PDE10A: variants seen among roughly 807,000 people sequenced by gnomAD.
PDE10A encodes phosphodiesterase 10A.
PDE10A carries 39 observed loss-of-function variants against 97.7 expected under a neutral mutation model. The ratio of observed to expected loss-of-function variants is 0.40; its 90% CI spans 0.31 to 0.52. The LOEUF is 0.52. PDE10A is among the 20% of genes least tolerant of loss of function. PDE10A has a pLI of 0.56. For synonymous variants in PDE10A, 371 were observed against 376.8 expected (o/e 0.98, Z 0.18); for missense variants, 731 against 1,047.8 (o/e 0.70, Z 4.17).
intron 1 of PDE10A, among the ~76,000 whole-genome samples, chr6:165,981,176 T>A (rs1012762050): frequency 6.6e-6 from 1 of 152,144 alleles, no homozygotes; most frequent in Non-Finnish European, 1.5e-5. Context: ...GTACTCTAGA[T>A]CAAAAGGTGC....
At chr6:165,870,845 C>T (rs1489587056) in intron 1 of PDE10A, among the ~76,000 whole-genome samples, 1 of 152,124 alleles carries the variant, frequency 6.6e-6, no homozygotes, top group Non-Finnish European at 1.5e-5. Flanking sequence ...GTGAAACAAG[C>T]CAGGCACAGA....
intron 1 of PDE10A, among the ~76,000 whole-genome samples, chr6:165,544,900 C>T (rs1466419133): frequency 6.6e-6 from 1 of 151,922 alleles, no homozygotes; most frequent in Non-Finnish European, 1.5e-5. Context: ...TGGCTATATT[C>T]ACCCTGCAAA....
Position 165,412,254 on chromosome 6 carries a change from CAG to C in PDE10A, c.2076+1245_2076+1246del, listed in dbSNP as rs1379919134. On this transcript the variant is annotated intron_variant, in intron 13 of 21. Transcript: ENST00000539869. ...TTTTGTTGGATAACAAATACATATT[CAG>C]AGAGTAAACATAATGCCAAATTTTC... Among the ~76,000 whole-genome samples, 5 of 152,132 alleles carry C rather than the reference CAG, an allele frequency of 3.3e-5. No individual in the cohort carries two copies. In the South Asian group the frequency reaches 8.3e-4, roughly 25 times the overall value.
chr6:165,608,896 T>C (rs908636092), intron 1 of PDE10A, among the ~76,000 whole-genome samples: 1 of 152,254 alleles, frequency 6.6e-6, no homozygotes, highest in Non-Finnish European at 1.5e-5. Context: ...GACTATTGGC[T>C]GCATAAATGT....
At chr6:165,736,672 T>G (rs1792582616) in intron 1 of PDE10A, among the ~76,000 whole-genome samples, 1 of 152,112 alleles carries the variant, frequency 6.6e-6, no homozygotes, top group African/African-American at 2.4e-5. Context: ...AAGAGGGAAG[T>G]TACCATGATA....
intron 1 of PDE10A, among the ~76,000 whole-genome samples, chr6:165,582,747 G>A (rs1785687172): frequency 6.6e-6 from 1 of 151,366 alleles, no homozygotes; most frequent in Non-Finnish European, 1.5e-5. Context: ...GACAAGTATA[G>A]ATGACTCTCT....
intron 1 of PDE10A, among the ~76,000 whole-genome samples, chr6:165,862,649 G>C (rs1780936903): frequency 1.3e-5 from 2 of 149,876 alleles, no homozygotes; most frequent in African/African-American, 4.9e-5. Flanking sequence ...AGAACACTGA[G>C]TTAGAACCTC....
chr6:165,391,113 C>T (rs905567321), intron 16 of PDE10A, among the ~76,000 whole-genome samples: 31 of 152,288 alleles, frequency 2.0e-4, no homozygotes, highest in Non-Finnish European at 3.2e-4. Context: ...CAGAATCATA[C>T]ATCTGAAAAT....
intron 1 of PDE10A, chr6:165,780,710 G>A (rs1306315119): frequency 6.6e-6 from 1 of 152,254 alleles, no homozygotes; most frequent in African/African-American, 2.4e-5. Context: ...TTATGTTTAT[G>A]CAAGGCTTCA....
intron 2 of PDE10A, among the ~76,000 whole-genome samples, chr6:165,512,453 T>G (rs1241474568): frequency 6.6e-6 from 1 of 151,958 alleles, no homozygotes; most frequent in Non-Finnish European, 1.5e-5. Context: ...TAAAAAAAAA[T>G]TCAGCACTTT....
intron 1 of PDE10A, among the ~76,000 whole-genome samples, chr6:165,729,400 T>G (rs1792371576): frequency 6.6e-6 from 1 of 152,168 alleles, no homozygotes; most frequent in Admixed American, 6.5e-5. Flanking sequence ...GAAGCAATCT[T>G]CTTAGACATG....
chr6:165,982,642 CTT>C (rs1785054411), intron 1 of PDE10A, among the ~76,000 whole-genome samples: 1 of 151,998 alleles, frequency 6.6e-6, no homozygotes, highest in Admixed American at 6.6e-5. Context: ...AAACCAAACT[CTT>C]TAAGTAAATA....
At chr6:165,530,967 A>G (rs1342118489) in intron 2 of PDE10A, among the ~76,000 whole-genome samples, 1 of 152,182 alleles carries the variant, frequency 6.6e-6, no homozygotes, top group East Asian at 1.9e-4. Flanking sequence ...CAATCTTTAT[A>G]CATGTCCCAA....
intron 1 of PDE10A, among the ~76,000 whole-genome samples, chr6:165,916,296 G>T (rs1037174329): frequency 6.6e-6 from 1 of 152,186 alleles, no homozygotes; most frequent in South Asian, 2.1e-4. Context: ...CTAATTCCAA[G>T]TTCGATTCCA....
intron 1 of PDE10A, among the ~76,000 whole-genome samples, chr6:165,651,699 C>T (rs981472168): frequency 6.6e-6 from 1 of 152,168 alleles, no homozygotes; most frequent in African/African-American, 2.4e-5. Context: ...GGTCTCCTCA[C>T]TCCAAGGCTA....
chr6:165,986,513 GTCTC>G (rs55892857), intron 1 of PDE10A: 7,289 of 145,710 alleles, frequency 0.05, 158 homozygotes, highest in Middle Eastern at 0.11. Flanking sequence ...CTCTCTCTCT[GTCTC>G]TCTCTCTCTC....
At chr6:165,663,670 C>G (rs1240256929), upstream of PDE10A, among the ~76,000 whole-genome samples, 1 of 152,184 alleles carries the variant, frequency 6.6e-6, no homozygotes, top group South Asian at 2.1e-4. Flanking sequence ...AAATACGGTT[C>G]CTCCCCAGGA....
intron 1 of PDE10A, among the ~76,000 whole-genome samples, chr6:165,556,869 G>T (rs1281301122): frequency 6.6e-6 from 1 of 152,176 alleles, no homozygotes; most frequent in African/African-American, 2.4e-5. Flanking sequence ...GCCGGGTGCA[G>T]TGGCTCATGC....
At chr6:165,896,556 G>T (rs1474800884) in intron 1 of PDE10A, among the ~76,000 whole-genome samples, 2 of 124,912 alleles carry the variant, frequency 1.6e-5, no homozygotes, top group East Asian at 2.4e-4. Context: ...ATGGAGTCTT[G>T]CTCTGTCGCC....
Sources: gnomAD v4.1 joint callset for allele counts (sites outside exome capture counted in the v4.1 genomes callset) on GRCh38, gnomAD v4.1.1 for gene constraint, MANE v1.5 for transcripts, NCBI Gene and HGNC (gene_info 2026-07-23, HGNC 2026-07-21) for gene names.